The following GPR158 variants were observed in gnomAD, a reference collection of about 807,000 sequenced individuals.
GPR158 encodes the protein metabotropic glycine receptor.
In GPR158, 30 loss-of-function variants were observed where a neutral mutation model predicts 78.2. The ratio of observed to expected loss-of-function variants is 0.38; its 90% CI spans 0.29 to 0.52. The LOEUF (loss-of-function observed/expected upper bound fraction) is 0.52, where lower values mean the gene tolerates loss of function less well. Ranked by LOEUF, GPR158 falls within the 20% of genes least tolerant of loss-of-function variation. GPR158 has a pLI of 0.83. For synonymous variants in GPR158, 581 were observed against 591.1 expected, an observed-to-expected ratio of 0.98 and a Z score of 0.25; for missense variants, 1,463 against 1,523.5, an observed-to-expected ratio of 0.96 and a Z score of 0.66.
chr10:25,363,818 A>G (rs1855677416), intron 2 of GPR158, among the ~76,000 whole-genome samples: 1 of 151,870 alleles, frequency 6.6e-6, no homozygotes, highest in Admixed American at 6.6e-5. Context: ...TGCTCAGGTT[A>G]CATGACCCTC....
chr10:25,574,292 G>A (rs546983066), intron 7 of GPR158, among the ~76,000 whole-genome samples: 1 of 151,736 alleles, frequency 6.6e-6, no homozygotes, highest in Non-Finnish European at 1.5e-5. Flanking sequence ...GCATTCCAAA[G>A]AGGATCATAT....
intron 7 of GPR158, among the ~76,000 whole-genome samples, chr10:25,586,024 A>G (rs1837261350): frequency 1.3e-5 from 2 of 152,182 alleles, no homozygotes; most frequent in Admixed American, 1.3e-4. Context: ...CAGAGGACAA[A>G]GAGACCTTCT....
At chr10:25,253,782 C>G (rs1450124926) in intron 2 of GPR158, among the ~76,000 whole-genome samples, 1 of 152,024 alleles carries the variant, frequency 6.6e-6, no homozygotes, top group African/African-American at 2.4e-5. Context: ...TGGGATAATT[C>G]TTTGAAAGAG....
At chr10:25,464,434 T>C (rs974227895) in intron 4 of GPR158, among the ~76,000 whole-genome samples, 1 of 152,200 alleles carries the variant, frequency 6.6e-6, no homozygotes, top group Non-Finnish European at 1.5e-5. Context: ...ATATTCTTTC[T>C]AGTTTTCAAA....
At chr10:25,228,105 G>A (rs2765712) in intron 2 of GPR158, among the ~76,000 whole-genome samples, 20,309 of 151,838 alleles carry the variant, frequency 0.13, 1,660 homozygotes, top group East Asian at 0.3. Context: ...AGACCCTGTC[G>A]CTACAAAAAA....
At chr10:25,450,604 C>T (rs1305607674) in intron 4 of GPR158, among the ~76,000 whole-genome samples, 1 of 152,048 alleles carries the variant, frequency 6.6e-6, no homozygotes, top group Non-Finnish European at 1.5e-5. Context: ...GATCTCTACT[C>T]TTGATTCTGG....
chr10:25,187,130 AT>A (rs945196551), intron 1 of GPR158, among the ~76,000 whole-genome samples: 1 of 151,118 alleles, frequency 6.6e-6, no homozygotes, highest in Non-Finnish European at 1.5e-5. Context: ...ACGCCCGGCT[AT>A]TTTTTTTGTA....
Position 25,387,159 on chromosome 10 carries a change from G to T in GPR158, c.1009-8752G>T, listed in dbSNP as rs556363190. ...TTGAGGTAATTTCCTCCTATTTTTA[G>T]TATGTTGGGTGTTTTTATCATAAAA... On this transcript the variant is annotated intron_variant, in intron 2 of 10. Coordinates refer to ENST00000376351, the MANE Select transcript of GPR158 (RefSeq NM_020752.3). 1.4e-4 allele frequency among the ~76,000 whole-genome samples: 21 copies of T among 152,130 alleles called. 1 individual carries two copies. In the South Asian group the frequency reaches 4.3e-3, roughly 32 times the overall value.
chr10:25,240,813 CT>C (rs1008951738), intron 2 of GPR158, among the ~76,000 whole-genome samples: 6 of 152,062 alleles, frequency 3.9e-5, no homozygotes, highest in Non-Finnish European at 8.8e-5. Context: ...GTAGAGCTAC[CT>C]TTTGGAAGAA....
intron 5 of GPR158, among the ~76,000 whole-genome samples, chr10:25,527,049 C>T (rs1195474661): frequency 1.3e-5 from 2 of 151,408 alleles, no homozygotes; most frequent in East Asian, 3.9e-4. Flanking sequence ...AAAAGAGGGA[C>T]ATGTTATCAT....
At chr10:25,390,918 G>A (rs1212994916) in intron 2 of GPR158, among the ~76,000 whole-genome samples, 1 of 152,120 alleles carries the variant, frequency 6.6e-6, no homozygotes, top group Non-Finnish European at 1.5e-5. Context: ...TGGTTTCGTG[G>A]GCTGGCTCCA....
chr10:25,586,824 G>T (rs1837276185), intron 7 of GPR158, among the ~76,000 whole-genome samples: 1 of 152,176 alleles, frequency 6.6e-6, no homozygotes, highest in Non-Finnish European at 1.5e-5. Context: ...AAATGAACCT[G>T]TTACTGTTAT....
At chr10:25,425,935 C>G (rs1316391247) in intron 4 of GPR158, among the ~76,000 whole-genome samples, 2 of 152,066 alleles carry the variant, frequency 1.3e-5, no homozygotes, top group Non-Finnish European at 2.9e-5. Context: ...GCTGCTGTTT[C>G]CTATCTACAT....
At chr10:25,333,343 C>G (rs1855154329) in intron 2 of GPR158, among the ~76,000 whole-genome samples, 1 of 152,154 alleles carries the variant, frequency 6.6e-6, no homozygotes, top group African/African-American at 2.4e-5. Context: ...TGAATGCCCA[C>G]ACTTCTGCAT....
At chr10:25,335,825 A>G (rs1398018803) in intron 2 of GPR158, among the ~76,000 whole-genome samples, 1 of 152,046 alleles carries the variant, frequency 6.6e-6, no homozygotes, top group Admixed American at 6.6e-5. Context: ...ATAATCTTTC[A>G]AAATTGCCAA....
intron 5 of GPR158, among the ~76,000 whole-genome samples, chr10:25,503,196 A>T (rs959967079): frequency 1.5e-5 from 2 of 131,060 alleles, no homozygotes; most frequent in Admixed American, 7.8e-5. Flanking sequence ...ACATAGCAAG[A>T]CCTCATTGCA....
intron 5 of GPR158, among the ~76,000 whole-genome samples, chr10:25,541,772 C>T (rs547336840): frequency 3.3e-5 from 5 of 151,862 alleles, no homozygotes; most frequent in Admixed American, 6.6e-5. Context: ...TAGTTTAGTA[C>T]TAGTATGACC....
chr10:25,589,203 T>A (rs1173489991), intron 8 of GPR158, 58 bp downstream of exon 8: 6 of 1,250,546 alleles, frequency 4.8e-6, no homozygotes, highest in Non-Finnish European at 5.5e-6. Flanking sequence ...TGTTGCTGTT[T>A]AAATAACAAA....
At chr10:25,476,619 C>T (rs758687578) in intron 5 of GPR158, among the ~76,000 whole-genome samples, 6 of 152,210 alleles carry the variant, frequency 3.9e-5, no homozygotes, top group African/African-American at 9.6e-5. Flanking sequence ...AGGCTGAGAG[C>T]GATTATGATT....
Sources: allele counts gnomAD v4.1 joint callset (sites outside exome capture counted in the v4.1 genomes callset), GRCh38; gene constraint gnomAD v4.1.1; transcripts MANE v1.5; gene names NCBI Gene and HGNC (gene_info 2026-07-23, HGNC 2026-07-21).